Variants in SYNDIG1 observed in about 807,000 individuals in gnomAD.
The protein encoded by SYNDIG1 is synapse differentiation-inducing gene protein 1.
SYNDIG1 carries 9 observed loss-of-function variants against 19.4 expected under a neutral mutation model. The ratio of observed to expected loss-of-function variants is 0.46; its 90% CI spans 0.28 to 0.81. SYNDIG1 has a LOEUF of 0.81. SYNDIG1 is among the 30% of genes least tolerant of loss of function. The pLI is 0.12. For missense variants in SYNDIG1, 311 were observed against 343.3 expected, an observed-to-expected ratio of 0.91 and a Z score of 0.74; for synonymous variants, 141 against 145.9, an observed-to-expected ratio of 0.97 and a Z score of 0.24.
chr20:24,544,853 T>C (rs1274786577), intron 2 of SYNDIG1, among the ~76,000 whole-genome samples: 1 of 152,100 alleles, frequency 6.6e-6, no homozygotes, highest in African/African-American at 2.4e-5. Flanking sequence ...AGCTGCAGTA[T>C]GAGTTTGTGT....
chr20:24,601,397 G>T (rs1241698431), intron 3 of SYNDIG1, among the ~76,000 whole-genome samples: 1 of 152,016 alleles, frequency 6.6e-6, no homozygotes, highest in African/African-American at 2.4e-5. Context: ...TCAAATCTTT[G>T]ATAGCAGTCA....
intron 2 of SYNDIG1, among the ~76,000 whole-genome samples, chr20:24,547,607 C>T (rs1287500302): frequency 4.6e-5 from 7 of 152,100 alleles, no homozygotes; most frequent in Admixed American, 4.6e-4. Flanking sequence ...TGGGGGTGCC[C>T]TCAGGGCATC....
Position 24,661,197 on chromosome 20 carries a change from G to A in SYNDIG1, c.619-4149G>A, listed in dbSNP as rs945395225. Among the ~76,000 whole-genome samples, 3 of 152,094 alleles carry A rather than the reference G, an allele frequency of 2.0e-5. No individual in the cohort carries two copies. The East Asian group carries it at 5.8e-4, about 30-fold the overall frequency. On this transcript the variant is annotated intron_variant, in intron 3 of 3. Transcript: ENST00000376862. Reference sequence around the variant, plus strand: ...GGCTGCTGGGGGTGGGGGCGGGGAGGTCCCCGTCACCATCCTAGGGTGTGT... The same window carrying A: ...GGCTGCTGGGGGTGGGGGCGGGGAGATCCCCGTCACCATCCTAGGGTGTGT...
intron 1 of SYNDIG1, among the ~76,000 whole-genome samples, chr20:24,525,289 T>C (rs111651311): frequency 6.1e-4 from 6 of 9,844 alleles, no homozygotes; most frequent in Middle Eastern, 0.05. Context: ...TCTTCTTCTT[T>C]TTTTTTTTTT....
chr20:24,625,363 A>G lies in SYNDIG1; in HGVS notation c.619-39983A>G, dbSNP rs58403717. On this transcript the variant is annotated intron_variant, in intron 3 of 3. Transcript: ENST00000376862. ...CAATATCATGAAAGAAAGACGGGCC[A>G]TCACTCCAAATGCCTGGGACATTTT... is the stretch of plus-strand genomic sequence containing the variant. Among the ~76,000 whole-genome samples the G allele has an allele frequency of 3.3e-3, 501 of 151,090 alleles. 1 individual carries two copies. The highest frequency in any genetic ancestry group is 0.012 in the African/African-American group (477 of 41,104).
rs537900340 is a variant in SYNDIG1, at chr20:24,604,107, T to C, written c.618+19114T>C. On this transcript the variant is annotated intron_variant, in intron 3 of 3. Coordinates refer to ENST00000376862, the MANE Select transcript of SYNDIG1 (RefSeq NM_024893.3). Reference sequence around the variant, plus strand: ...TCACAAAGACAGACTTCTTTTGAAATTTGTATTATTCTTTCTTTTTTTTTC... The same window carrying C: ...TCACAAAGACAGACTTCTTTTGAAACTTGTATTATTCTTTCTTTTTTTTTC... Among the ~76,000 whole-genome samples, 29 of 149,352 alleles carry C rather than the reference T, an allele frequency of 1.9e-4. No homozygotes were observed. In the East Asian group the frequency reaches 5.4e-3, roughly 28 times the overall value.
intron 3 of SYNDIG1, among the ~76,000 whole-genome samples, chr20:24,634,048 A>T (rs1050063874): frequency 2.6e-5 from 4 of 152,258 alleles, no homozygotes. Context: ...CTTGGAAAAC[A>T]GAAGGAGGAG....
At chr20:24,556,363 T>G (rs1008142707) in intron 2 of SYNDIG1, among the ~76,000 whole-genome samples, 1 of 152,208 alleles carries the variant, frequency 6.6e-6, no homozygotes, top group African/African-American at 2.4e-5. Flanking sequence ...GTTAGCTGGT[T>G]ATTTTGCTCG....
intron 1 of SYNDIG1, among the ~76,000 whole-genome samples, chr20:24,475,117 G>C (rs1284028265): frequency 6.6e-6 from 1 of 152,082 alleles, no homozygotes; most frequent in African/African-American, 2.4e-5. Flanking sequence ...TTCCTCCTAT[G>C]ATCTTGGTCC....
In SYNDIG1 at chr20:24,665,474, C is replaced by A; in HGVS notation, c.747C>A (p.Ile249=). 4 of 1,614,068 alleles carry A rather than the reference C, an allele frequency of 2.5e-6. No individual in the cohort carries two copies. Among genetic ancestry groups the A allele is most frequent in the Non-Finnish European group, 3.4e-6 (4 of 1,179,998 alleles). ...GVYVGVAVAL[I]AYLSKNNHL Reference sequence around the variant, plus strand: ...ATGTGGGCGTGGCCGTGGCCCTCATCGCCTACCTCTCCAAGAACAACCACC... The same window carrying A: ...ATGTGGGCGTGGCCGTGGCCCTCATAGCCTACCTCTCCAAGAACAACCACC... The change falls in exon 4 of 4, where the codon ATC becomes ATA. Residue 249 remains isoleucine (I), a synonymous_variant. Transcript: ENST00000376862.
At chr20:24,663,299 C>T (rs373686519) in intron 3 of SYNDIG1, among the ~76,000 whole-genome samples, 2 of 152,300 alleles carry the variant, frequency 1.3e-5, no homozygotes, top group East Asian at 3.9e-4. Flanking sequence ...TAGAGCCAAA[C>T]ATATAAACCG....
intron 3 of SYNDIG1, among the ~76,000 whole-genome samples, chr20:24,647,462 T>C (rs955204191): frequency 2.0e-5 from 3 of 152,098 alleles, no homozygotes; most frequent in Non-Finnish European, 4.4e-5. Context: ...GAACATCCTC[T>C]TTGAGCCAAA....
intron 3 of SYNDIG1, among the ~76,000 whole-genome samples, chr20:24,650,138 C>A (rs746476856): frequency 3.3e-4 from 51 of 152,294 alleles, no homozygotes; most frequent in Admixed American, 2.2e-3. Flanking sequence ...AAAGCAAGTT[C>A]CACTCTGTGA....
At chr20:24,645,460 G>A (rs1166884974) in intron 3 of SYNDIG1, among the ~76,000 whole-genome samples, 2 of 152,212 alleles carry the variant, frequency 1.3e-5, no homozygotes, top group Non-Finnish European at 2.9e-5. Context: ...CCACAGCTGT[G>A]GCTGTGGCTC....
At chr20:24,580,810 A>C (rs2094223) in intron 2 of SYNDIG1, among the ~76,000 whole-genome samples, 264 of 152,250 alleles carry the variant, frequency 1.7e-3, no homozygotes, top group African/African-American at 5.9e-3. Context: ...TATGCTTCTA[A>C]ATTAAAATCT....
chr20:24,579,522 A>G (rs183008690), intron 2 of SYNDIG1, among the ~76,000 whole-genome samples: 113 of 152,348 alleles, frequency 7.4e-4, no homozygotes, highest in Non-Finnish European at 1.3e-3. Flanking sequence ...GCTCTATACA[A>G]CGAACGGCAC....
intron 2 of SYNDIG1, among the ~76,000 whole-genome samples, chr20:24,573,828 C>T (rs1375397771): frequency 1.3e-5 from 2 of 152,176 alleles, no homozygotes; most frequent in Non-Finnish European, 2.9e-5. Context: ...TGGGGGTATC[C>T]AGCAACCCCC....
At chr20:24,538,180 T>C (rs2057399552) in intron 1 of SYNDIG1, among the ~76,000 whole-genome samples, 2 of 152,212 alleles carry the variant, frequency 1.3e-5, no homozygotes, top group South Asian at 4.1e-4. Flanking sequence ...AGTACACTTA[T>C]AATGTGTAAC....
chr20:24,572,882 A>G (rs1329872201), intron 2 of SYNDIG1, among the ~76,000 whole-genome samples: 2 of 152,192 alleles, frequency 1.3e-5, no homozygotes, highest in Non-Finnish European at 2.9e-5. Context: ...TGGGGAAATC[A>G]TTCTTGGTGC....
Sources: allele counts gnomAD v4.1 joint callset (sites outside exome capture counted in the v4.1 genomes callset), GRCh38; gene constraint gnomAD v4.1.1; transcripts MANE v1.5; gene names NCBI Gene and HGNC (gene_info 2026-07-23, HGNC 2026-07-21).